Variants in RNF150 observed in about 807,000 individuals in gnomAD.
The protein encoded by RNF150 is ring finger protein 150.
In RNF150, 24 loss-of-function variants were observed where a neutral mutation model predicts 39.3. The ratio of observed to expected loss-of-function variants is 0.61; its 90% confidence interval spans 0.44 to 0.86. RNF150 has a LOEUF of 0.86. RNF150 is among the 40% of genes least tolerant of loss of function. The pLI is 0.00. For missense variants in RNF150, 502 were observed against 587.8 expected, an observed-to-expected ratio of 0.85 and a Z score of 1.51; for synonymous variants, 255 against 227.3, an observed-to-expected ratio of 1.12 and a Z score of -1.10.
intron 1 of RNF150, among the ~76,000 whole-genome samples, chr4:141,094,804 A>G (rs1246734222): frequency 6.6e-6 from 1 of 152,288 alleles, no homozygotes; most frequent in Non-Finnish European, 1.5e-5. Flanking sequence ...GGTCTGAGAT[A>G]CAAGAAGTCA....
chr4:140,962,831 G>A (rs1733094522), intron 2 of RNF150, among the ~76,000 whole-genome samples: 1 of 151,928 alleles, frequency 6.6e-6, no homozygotes, highest in East Asian at 1.9e-4. Context: ...AAGAAATTAA[G>A]TAAGTTTCCC....
rs1736906278 is a variant in RNF150, at chr4:141,054,772, T to C, written c.484+77553A>G. Among the ~76,000 whole-genome samples the C allele has an allele frequency of 2.0e-5, 3 of 152,134 alleles. No homozygotes were observed. The South Asian group carries it at 6.2e-4, about 32-fold the overall frequency. On this transcript the variant is annotated intron_variant, in intron 1 of 6. Transcript: ENST00000515673. ...CTATAAATCTAATAAACAAGAATTA[T>C]CCAATACTGAGAAATGTGAGCAAGA...
chr4:141,209,075 G>A (rs189411646), intron 1 of RNF150, among the ~76,000 whole-genome samples: 1 of 152,000 alleles, frequency 6.6e-6, no homozygotes, highest in Admixed American at 6.5e-5. Context: ...AATCCTCAAG[G>A]TTGCTCACTG....
Position 141,003,276 on chromosome 4 carries a change from T to C in RNF150, c.485-35403A>G, listed in dbSNP as rs184004569. Among the ~76,000 whole-genome samples, 469 of 152,268 alleles carry C rather than the reference T, an allele frequency of 3.1e-3. 4 individuals are homozygous for C. The highest frequency in any genetic ancestry group is 3.7e-3 in the Non-Finnish European group (254 of 68,018). On this transcript the variant is annotated intron_variant, in intron 1 of 6. Transcript: ENST00000515673. Reference sequence around the variant, plus strand: ...GCTAGCTTTGCTTTCAGGATTAATTTACATTGTGGAAAAGTACATGTACTC... The same window carrying C: ...GCTAGCTTTGCTTTCAGGATTAATTCACATTGTGGAAAAGTACATGTACTC...
intron 1 of RNF150, among the ~76,000 whole-genome samples, chr4:140,989,004 A>G (rs1043776550): frequency 8.5e-5 from 13 of 152,140 alleles, no homozygotes; most frequent in African/African-American, 3.1e-4. Flanking sequence ...GTAGTTTTTA[A>G]TTAATATTTA....
chr4:140,985,084 T>C (rs1560999958), intron 1 of RNF150, among the ~76,000 whole-genome samples: 1 of 152,170 alleles, frequency 6.6e-6, no homozygotes, highest in Non-Finnish European at 1.5e-5. Context: ...TCTTTCTCCA[T>C]AGTTCTCTGA....
At chr4:141,046,552 C>A (rs1193055337) in intron 1 of RNF150, among the ~76,000 whole-genome samples, 2 of 152,138 alleles carry the variant, frequency 1.3e-5, no homozygotes, top group Non-Finnish European at 2.9e-5. Flanking sequence ...GGTTCCATAT[C>A]TTTAGAAGCA....
chr4:141,091,980 G>T (rs1459687097), intron 1 of RNF150, among the ~76,000 whole-genome samples: 1 of 152,120 alleles, frequency 6.6e-6, no homozygotes, highest in African/African-American at 2.4e-5. Context: ...ATATCTGACT[G>T]CAATCTCAGT....
chr4:141,203,041 T>G (rs900078898), intron 1 of RNF150, among the ~76,000 whole-genome samples: 1 of 142,600 alleles, frequency 7.0e-6, no homozygotes. Context: ...ATGAGTTGGG[T>G]GTCCTCTTGG....
chr4:140,936,863 T>G (rs1188496514), intron 4 of RNF150, among the ~76,000 whole-genome samples: 1 of 152,160 alleles, frequency 6.6e-6, no homozygotes, highest in African/African-American at 2.4e-5. Flanking sequence ...TCAATAGTAA[T>G]ATATCAAAGA....
At chr4:141,165,855 T>C (rs973130005) in intron 1 of RNF150, among the ~76,000 whole-genome samples, 2 of 151,992 alleles carry the variant, frequency 1.3e-5, no homozygotes, top group African/African-American at 4.8e-5. Context: ...AGGAAAGATC[T>C]AAAATTGACA....
intron 4 of RNF150, chr4:140,944,500 A>G (rs1232915415): frequency 6.6e-6 from 1 of 152,218 alleles, no homozygotes; most frequent in African/African-American, 2.4e-5. Context: ...GTAGGTGTGT[A>G]TGTGCATGAC....
intron 1 of RNF150, among the ~76,000 whole-genome samples, chr4:141,082,633 G>A (rs1738201084): frequency 6.6e-6 from 1 of 151,718 alleles, no homozygotes; most frequent in Non-Finnish European, 1.5e-5. Flanking sequence ...CTGTCGCCCA[G>A]GCTGGAGTGC....
intron 1 of RNF150, among the ~76,000 whole-genome samples, chr4:141,175,442 T>C (rs1420934283): frequency 2.0e-5 from 3 of 152,066 alleles, no homozygotes; most frequent in African/African-American, 7.2e-5. Context: ...TTTCAGATAG[T>C]AGAAAGTGGA....
At chr4:141,207,015 A>G (rs1728385687) in intron 1 of RNF150, among the ~76,000 whole-genome samples, 1 of 144,848 alleles carries the variant, frequency 6.9e-6, no homozygotes, top group East Asian at 2.0e-4. Context: ...GAAGGCAGCC[A>G]GCCAGTCTCA....
intron 1 of RNF150, among the ~76,000 whole-genome samples, chr4:141,089,683 A>G (rs1010180191): frequency 5.9e-5 from 9 of 152,328 alleles, no homozygotes; most frequent in Non-Finnish European, 1.2e-4. Flanking sequence ...ACAGAAGACC[A>G]CTGGGAGTGC....
chr4:140,911,192 C>T lies in RNF150; in HGVS notation c.1150G>A (p.Asp384Asn), dbSNP rs780796889. The change falls in exon 6 of 7, where the codon GAT becomes AAT. Residue 384 changes from aspartate (D) to asparagine (N), a missense_variant. Asp to Asn is a conservative substitution (Grantham distance 23). Transcript: ENST00000515673. ...RTVGALQVVQ[D>N]TDPIPQEGDV... ...CCCTCCTGGGGGATGGGGTCTGTAT[C>T]CTGGACCACCTGCAAGGCTCCCACA... is the stretch of plus-strand genomic sequence containing the variant. 10 of 1,614,126 alleles carry T rather than the reference C, an allele frequency of 6.2e-6. No homozygotes were observed. The South Asian group carries it at 1.1e-4, about 18-fold the overall frequency.
intron 1 of RNF150, among the ~76,000 whole-genome samples, chr4:140,985,707 T>C (rs1007215767): frequency 1.3e-5 from 2 of 152,066 alleles, no homozygotes; most frequent in African/African-American, 2.4e-5. Flanking sequence ...TTGTTACTAA[T>C]GAGATATTTA....
intron 1 of RNF150, among the ~76,000 whole-genome samples, chr4:140,995,847 T>A (rs1560675478): frequency 6.6e-6 from 1 of 152,200 alleles, no homozygotes; most frequent in African/African-American, 2.4e-5. Flanking sequence ...ATTGTGTATA[T>A]GTACCACATT....
Sources: gnomAD v4.1 joint callset for allele counts (sites outside exome capture counted in the v4.1 genomes callset) on GRCh38, gnomAD v4.1.1 for gene constraint, MANE v1.5 for transcripts, NCBI Gene and HGNC (gene_info 2026-07-23, HGNC 2026-07-21) for gene names.